The following GASK1A variants were observed in gnomAD, a reference collection of about 807,000 sequenced individuals.
GASK1A encodes golgi associated kinase 1A, also known as Golgi-associated kinase 1A.
Under a neutral mutation model 41.2 loss-of-function variants are expected in GASK1A, and 40 were observed. That is an observed-to-expected ratio of 0.97 (90% CI 0.75 to 1.27). The LOEUF is 1.27. Ranked by LOEUF, GASK1A falls within the 50% of genes most tolerant of loss-of-function variation. GASK1A has a pLI of 0.00. For synonymous variants in GASK1A, 316 were observed against 307.1 expected (o/e 1.03, Z -0.30); for missense variants, 678 against 745.1 (o/e 0.91, Z 1.05).
intron 1 of GASK1A, among the ~76,000 whole-genome samples, chr3:42,988,888 A>C (rs908332371): frequency 6.6e-6 from 1 of 152,244 alleles, no homozygotes; most frequent in Admixed American, 6.5e-5. Context: ...TCCACTGGCC[A>C]GTCTTGCTTC....
At chr3:42,987,255 C>T (rs954549300) in intron 1 of GASK1A, among the ~76,000 whole-genome samples, 5 of 152,206 alleles carry the variant, frequency 3.3e-5, no homozygotes, top group African/African-American at 9.6e-5. Flanking sequence ...CTAAACTAAT[C>T]CTGGTTGGCT....
intron 1 of GASK1A, among the ~76,000 whole-genome samples, chr3:43,011,581 G>T (rs572422850): frequency 2.0e-5 from 3 of 152,156 alleles, no homozygotes; most frequent in African/African-American, 7.2e-5. Flanking sequence ...GTCACAGAAA[G>T]GGACAATGTG....
At chr3:42,999,335 C>T (rs1026491698) in intron 1 of GASK1A, among the ~76,000 whole-genome samples, 1 of 152,246 alleles carries the variant, frequency 6.6e-6, no homozygotes, top group Admixed American at 6.5e-5. Context: ...GGTGCTTCTC[C>T]TCCACAGGCA....
intron 1 of GASK1A, among the ~76,000 whole-genome samples, chr3:42,997,857 G>A (rs745949349): frequency 1.3e-5 from 2 of 152,190 alleles, no homozygotes; most frequent in Non-Finnish European, 2.9e-5. Context: ...AGTGAGACAG[G>A]GAAGGCAGCC....
intron 2 of GASK1A, among the ~76,000 whole-genome samples, chr3:43,034,429 A>G (rs1417193620): frequency 6.6e-6 from 1 of 152,218 alleles, no homozygotes; most frequent in African/African-American, 2.4e-5. Context: ...TCTGTTAACA[A>G]CCAGTGTGGC....
At position 43,056,555 on chromosome 3, in the gene GASK1A, A is replaced by C; in HGVS notation, c.*169A>C. On this transcript the variant is annotated 3_prime_UTR_variant, in exon 5 of 5. Transcript: ENST00000430121. ...GAGGTAGTATGGGGTTTTCAATCTC[A>C]AAGCGTCCCTTTCTGCCTTCTCGGC... The C allele has an allele frequency of 3.5e-6, 2 of 572,432 alleles. No homozygotes were observed. The highest frequency in any genetic ancestry group is 6.1e-6 in the Non-Finnish European group (2 of 329,446). The allele number at this position is 572,432 out of a possible 1,614,324, so 35.5% of individuals were successfully genotyped here.
chr3:43,036,207 TGACTCGGCTGGGCTCA>T (rs1559405625), intron 2 of GASK1A, among the ~76,000 whole-genome samples: 3 of 152,232 alleles, frequency 2.0e-5, no homozygotes, highest in East Asian at 3.8e-4. Flanking sequence ...TGGGCAGACA[TGACTCGGCTGGGCTCA>T]TGCCACCTCT....
chr3:42,998,205 G>C (rs897906335), intron 1 of GASK1A, among the ~76,000 whole-genome samples: 4 of 152,138 alleles, frequency 2.6e-5, no homozygotes, highest in African/African-American at 4.8e-5. Flanking sequence ...CTAATGGAAG[G>C]GTTCTCCACC....
intron 2 of GASK1A, among the ~76,000 whole-genome samples, chr3:43,049,655 C>T (rs1395679350): frequency 6.6e-6 from 1 of 152,100 alleles, no homozygotes; most frequent in Admixed American, 6.6e-5. Context: ...CTACTGCCCT[C>T]AGCCTATCTA....
In GASK1A at chr3:43,032,605, T is replaced by C. The variant is rs1217787714; in HGVS notation, c.342T>C (p.His114=). 1 of 1,551,632 alleles carries C rather than the reference T, an allele frequency of 6.4e-7. No homozygotes were observed. The highest frequency in any genetic ancestry group is 8.7e-7 in the Non-Finnish European group (1 of 1,146,944). The change falls in exon 2 of 5, where the codon CAT becomes CAC. Residue 114 remains histidine (H), a synonymous_variant. Coordinates refer to ENST00000430121, the MANE Select transcript of GASK1A (RefSeq NM_001129908.3). The stretch of plus-strand genomic sequence containing the variant: ...AGTCCCCAGGAGGGGACCTCAGGCA[T>C]CCAGGGAGGGTGAGGAGGGACATTA... The part of the protein sequence containing the change: ...SRESPGGDLR[H]PGRVRRDITL...
chr3:43,041,878 C>A (rs535298800), intron 2 of GASK1A, among the ~76,000 whole-genome samples: 1 of 152,082 alleles, frequency 6.6e-6, no homozygotes, highest in Non-Finnish European at 1.5e-5. Flanking sequence ...TTTTTCAGGC[C>A]AGGTGCAGGG....
At chr3:42,991,344 C>T (rs2125673936) in intron 1 of GASK1A, among the ~76,000 whole-genome samples, 1 of 152,222 alleles carries the variant, frequency 6.6e-6, no homozygotes, top group East Asian at 1.9e-4. Context: ...GCTATTCATA[C>T]CCTCTACAGA....
intron 3 of GASK1A, chr3:43,054,420 G>A (rs2089706532): frequency 6.6e-6 from 1 of 152,488 alleles, no homozygotes; most frequent in Admixed American, 6.5e-5. Context: ...GAGAGACAAA[G>A]TTTTAATAGC....
chr3:43,027,809 G>C (rs1047315378), intron 1 of GASK1A, among the ~76,000 whole-genome samples: 1 of 152,232 alleles, frequency 6.6e-6, no homozygotes, highest in Non-Finnish European at 1.5e-5. Flanking sequence ...AGGTCAAACT[G>C]TAAAATATTT....
intron 2 of GASK1A, 83 bp from the exon 3 acceptor site, chr3:43,053,438 C>T (rs2089700094): frequency 7.0e-7 from 1 of 1,431,438 alleles, no homozygotes; most frequent in Non-Finnish European, 9.3e-7. Context: ...ATGTAGGAAA[C>T]AGCAGGTCAG....
intron 2 of GASK1A, among the ~76,000 whole-genome samples, chr3:43,037,988 A>G (rs760089078): frequency 2.6e-5 from 4 of 152,246 alleles, no homozygotes; most frequent in Non-Finnish European, 5.9e-5. Flanking sequence ...TTTGTGTTAA[A>G]AAAAAGTGCA....
At chr3:43,008,345 T>C (rs975313442) in intron 1 of GASK1A, among the ~76,000 whole-genome samples, 1 of 152,204 alleles carries the variant, frequency 6.6e-6, no homozygotes, top group African/African-American at 2.4e-5. Context: ...CACGCCTCCA[T>C]GGTGCCACGT....
At chr3:43,006,027 C>A (rs1482381042) in intron 1 of GASK1A, among the ~76,000 whole-genome samples, 5 of 151,988 alleles carry the variant, frequency 3.3e-5, no homozygotes, top group Admixed American at 3.3e-4. Flanking sequence ...GATCACCTTT[C>A]CTTTCCTGGG....
intron 1 of GASK1A, among the ~76,000 whole-genome samples, chr3:43,023,138 C>A (rs577485872): frequency 1.3e-5 from 2 of 152,076 alleles, no homozygotes; most frequent in African/African-American, 4.8e-5. Flanking sequence ...CCAGGTGGAC[C>A]CTAAATGCCA....
Sources: allele counts gnomAD v4.1 joint callset (sites outside exome capture counted in the v4.1 genomes callset), GRCh38; gene constraint gnomAD v4.1.1; transcripts MANE v1.5; gene names NCBI Gene and HGNC (gene_info 2026-07-23, HGNC 2026-07-21).